KDM6A: variants seen among roughly 807,000 people sequenced by gnomAD.
KDM6A encodes the protein lysine-specific demethylase 6A.
A neutral mutation model predicts 117.6 loss-of-function variants in KDM6A; 11 were observed. The ratio of observed to expected loss-of-function variants is 0.09; its 90% confidence interval spans 0.06 to 0.15. The LOEUF is 0.15. Among genes scored for constraint, KDM6A ranks in the 10% least tolerant of loss-of-function variants. KDM6A has a pLI of 1.00. For missense variants in KDM6A, 799 were observed against 1,077.3 expected, an observed-to-expected ratio of 0.74 and a Z score of 3.62; for synonymous variants, 384 against 396.1, an observed-to-expected ratio of 0.97 and a Z score of 0.36.
At chrX:45,040,685 A>C (rs1199725736) in intron 8 of KDM6A, among the ~76,000 whole-genome samples, 45 of 32,639 alleles carry the variant, frequency 1.4e-3, no homozygotes, top group African/African-American at 2.0e-3. Context: ...GACCCCCCCC[A>C]CCTCCCTCCC....
chrX:44,878,244 T>A (rs991737920), intron 2 of KDM6A, among the ~76,000 whole-genome samples: 1 of 111,461 alleles, frequency 9.0e-6, no homozygotes, highest in East Asian at 2.8e-4. Context: ...TTGAGTGTCA[T>A]GTTGGTACCC....
At chrX:45,109,645 C>T (rs775458534) in intron 28 of KDM6A, among the ~76,000 whole-genome samples, 5 of 110,490 alleles carry the variant, frequency 4.5e-5, no homozygotes, top group Non-Finnish European at 9.5e-5. Flanking sequence ...TGTGTTGTTC[C>T]TTATCCTACC....
rs748480986 is a variant in KDM6A, at chrX:45,047,473, CTTTT to C, written c.655-4228_655-4225del. On this transcript the variant is annotated intron_variant, in intron 8 of 29. Coordinates refer to ENST00000611820, the MANE Select transcript of KDM6A (RefSeq NM_001291415.2). ...GACTTGTTTTCAAATGCATTGATTT[CTTTT>C]TTTTTTTAAATATACTTTCCAATCT... is the stretch of plus-strand genomic sequence containing the variant. Among the ~76,000 whole-genome samples the C allele has an allele frequency of 6.7e-3, 624 of 93,107 alleles. 5 individuals are homozygous for C. Among genetic ancestry groups the C allele is most frequent in the African/African-American group, 0.023 (588 of 25,888 alleles). The allele number at this position is 93,107 out of a possible 115,157, so 80.9% of individuals were successfully genotyped here. A position where few individuals can be genotyped will look rare whatever the true frequency, so the allele number is the denominator to read the frequency against.
intron 2 of KDM6A, among the ~76,000 whole-genome samples, chrX:44,883,065 G>A (rs1381797821): frequency 1.0e-5 from 1 of 99,717 alleles, no homozygotes; most frequent in Non-Finnish European, 2.0e-5. Flanking sequence ...GAGCAGTTAA[G>A]TTTTTTTTTT....
chrX:44,886,491 C>CT (rs759245220), intron 2 of KDM6A, among the ~76,000 whole-genome samples: 4,253 of 97,524 alleles, frequency 0.044, 289 homozygotes, highest in African/African-American at 0.15. Flanking sequence ...TACTTACTAT[C>CT]TTTTTTTTTT....
chrX:44,976,185 A>G (rs1275620072), intron 4 of KDM6A, among the ~76,000 whole-genome samples: 3 of 111,585 alleles, frequency 2.7e-5, no homozygotes, highest in Non-Finnish European at 3.8e-5. Context: ...CCCTGGAATG[A>G]AACCTCACAT....
intron 6 of KDM6A, among the ~76,000 whole-genome samples, chrX:45,033,552 CTTTTA>C (rs1168439599): frequency 9.0e-6 from 1 of 110,718 alleles, no homozygotes; most frequent in African/African-American, 3.3e-5. Context: ...ACATCAGAGA[CTTTTA>C]TTTTATTTTA....
At chrX:44,949,131 C>T (rs1471433000) in intron 2 of KDM6A, among the ~76,000 whole-genome samples, 1 of 111,825 alleles carries the variant, frequency 8.9e-6, no homozygotes, top group South Asian at 3.7e-4. Flanking sequence ...TGGCTCAGTT[C>T]TGTAATCCTA....
intron 4 of KDM6A, among the ~76,000 whole-genome samples, chrX:45,000,436 T>C: frequency 9.0e-6 from 1 of 111,386 alleles, no homozygotes; most frequent in South Asian, 3.8e-4. Flanking sequence ...GTTGATGAAG[T>C]GCCAGGGTGA....
chrX:45,102,556 G>A (rs775105456), intron 27 of KDM6A, among the ~76,000 whole-genome samples: 7 of 111,379 alleles, frequency 6.3e-5, no homozygotes, highest in Admixed American at 9.5e-5. Flanking sequence ...AACACTATGC[G>A]TAGATAATGG....
At chrX:44,978,585 T>G (rs2039732018) in intron 4 of KDM6A, among the ~76,000 whole-genome samples, 1 of 112,469 alleles carries the variant, frequency 8.9e-6, no homozygotes, top group Non-Finnish European at 1.9e-5. Context: ...ACCTGATAAT[T>G]TATTTTCTGT....
intron 2 of KDM6A, among the ~76,000 whole-genome samples, chrX:44,911,672 A>G (rs922176260): frequency 3.8e-5 from 4 of 106,124 alleles, no homozygotes; most frequent in Non-Finnish European, 7.8e-5. Flanking sequence ...AGGCCAAGGC[A>G]GGCGGCTGGG....
At chrX:44,949,452 G>T (rs1003805232) in intron 2 of KDM6A, among the ~76,000 whole-genome samples, 44 of 108,001 alleles carry the variant, frequency 4.1e-4, no homozygotes, top group African/African-American at 1.5e-3. Context: ...AAGTCTGAAA[G>T]GGTATATTCG....
chrX:44,899,006 T>A (rs867567531), intron 2 of KDM6A, among the ~76,000 whole-genome samples: 2 of 87,343 alleles, frequency 2.3e-5, no homozygotes, highest in South Asian at 5.9e-4. Context: ...AGAGGGAGGG[T>A]GTGTGTGTGT....
intron 2 of KDM6A, among the ~76,000 whole-genome samples, chrX:44,894,093 A>G (rs2033609465): frequency 8.9e-6 from 1 of 111,838 alleles, no homozygotes; most frequent in Non-Finnish European, 1.9e-5. Context: ...GGATGAGTGT[A>G]TCTCATATGT....
intron 17 of KDM6A, among the ~76,000 whole-genome samples, chrX:45,068,591 G>C (rs1179102007): frequency 3.8e-5 from 4 of 104,625 alleles, no homozygotes; most frequent in Non-Finnish European, 5.8e-5. Flanking sequence ...AGAGACACAA[G>C]GTTCTGCTCT....
chrX:45,009,402 G>A (rs559979039), intron 4 of KDM6A, among the ~76,000 whole-genome samples: 3 of 111,578 alleles, frequency 2.7e-5, no homozygotes, highest in East Asian at 2.8e-4. Context: ...ACGACCAGAG[G>A]TCACTTTTGT....
At chrX:44,917,843 T>A (rs1305863885) in intron 2 of KDM6A, among the ~76,000 whole-genome samples, 1 of 112,385 alleles carries the variant, frequency 8.9e-6, no homozygotes, top group Non-Finnish European at 1.9e-5. Context: ...ATTTTTAATC[T>A]GAGTTTTAAA....
chrX:45,078,965 T>C (rs1307466330), intron 20 of KDM6A, among the ~76,000 whole-genome samples, 181 bp from the exon 21 acceptor site: 1 of 110,709 alleles, frequency 9.0e-6, no homozygotes, highest in Non-Finnish European at 1.9e-5. Flanking sequence ...ATTCAGGGCT[T>C]CAGCGTATGG....
Sources: gnomAD v4.1 joint callset for allele counts (sites outside exome capture counted in the v4.1 genomes callset) on GRCh38, gnomAD v4.1.1 for gene constraint, MANE v1.5 for transcripts, NCBI Gene and HGNC (gene_info 2026-07-23, HGNC 2026-07-21) for gene names.